PDE1C: variants seen among roughly 807,000 people sequenced by gnomAD.
PDE1C encodes the protein phosphodiesterase 1C.
A neutral mutation model predicts 93.1 loss-of-function variants in PDE1C; 62 were observed. The ratio of observed to expected loss-of-function variants is 0.67; its 90% CI spans 0.54 to 0.82. The LOEUF (loss-of-function observed/expected upper bound fraction) is 0.82, where lower values mean the gene tolerates loss of function less well. Ranked by LOEUF, PDE1C falls within the 40% of genes least tolerant of loss-of-function variation. The pLI is 0.00. For synonymous variants in PDE1C, 325 were observed against 310.1 expected (o/e 1.05, Z -0.50); for missense variants, 742 against 884.6 (o/e 0.84, Z 2.04).
At chr7:31,986,046 A>T (rs1783357741) in intron 2 of PDE1C, among the ~76,000 whole-genome samples, 1 of 152,160 alleles carries the variant, frequency 6.6e-6, no homozygotes, top group Admixed American at 6.5e-5. Context: ...CTTAAGAGTG[A>T]TTGAATTATT....
chr7:31,908,370 A>G (rs140345050), intron 2 of PDE1C, among the ~76,000 whole-genome samples: 1 of 152,276 alleles, frequency 6.6e-6, no homozygotes, highest in African/African-American at 2.4e-5. Context: ...AAAGTTCACT[A>G]TCTGTCTGGG....
At chr7:32,051,719 G>A in intron 1 of PDE1C, 139 bp from the exon 2 acceptor site, 1 of 705,194 alleles carries the variant, frequency 1.4e-6, no homozygotes. Context: ...GGGTTTCAAA[G>A]CTTAGTTAAA....
intron 2 of PDE1C, among the ~76,000 whole-genome samples, chr7:32,199,188 C>G (rs1804831106): frequency 6.6e-6 from 1 of 151,724 alleles, no homozygotes; most frequent in East Asian, 1.9e-4. Flanking sequence ...GGTAACCTGT[C>G]TTTTCTCTTC....
At chr7:31,745,759 T>C in the PDE1C span, among the ~76,000 whole-genome samples, 1 of 152,194 alleles carries the variant, frequency 6.6e-6, no homozygotes, top group East Asian at 1.9e-4. Context: ...TAATAAGTAA[T>C]AGATGTCACT....
the PDE1C span, among the ~76,000 whole-genome samples, chr7:31,669,810 A>G: frequency 6.6e-6 from 1 of 152,238 alleles, no homozygotes; most frequent in African/African-American, 2.4e-5. Flanking sequence ...CCCCATGGCT[A>G]AATTGCTGCC....
chr7:31,913,178 A>G (rs1204818697), intron 2 of PDE1C, among the ~76,000 whole-genome samples: 1 of 152,178 alleles, frequency 6.6e-6, no homozygotes, highest in Non-Finnish European at 1.5e-5. Flanking sequence ...CAAAGAAAGG[A>G]TGCTAGCCTT....
chr7:31,785,510 G>A (rs1783833805), intron 16 of PDE1C: 1 of 152,074 alleles, frequency 6.6e-6, no homozygotes, highest in African/African-American at 2.4e-5. Context: ...AAACAATCAG[G>A]AATTAATATG....
chr7:32,382,098 A>T (rs1366771932), intron 1 of PDE1C, among the ~76,000 whole-genome samples: 1 of 151,288 alleles, frequency 6.6e-6, no homozygotes, highest in Non-Finnish European at 1.5e-5. Flanking sequence ...AAGATCTCAC[A>T]TCTGGTAGAT....
chr7:32,251,061 G>A (rs1009806365), intron 1 of PDE1C, among the ~76,000 whole-genome samples: 9 of 152,184 alleles, frequency 5.9e-5, no homozygotes, highest in Admixed American at 2.0e-4. Context: ...ACATGCGAGC[G>A]TGCACAAGCA....
At chr7:31,976,414 A>T (rs1404226070) in intron 2 of PDE1C, among the ~76,000 whole-genome samples, 1 of 152,220 alleles carries the variant, frequency 6.6e-6, no homozygotes, top group Non-Finnish European at 1.5e-5. Context: ...AGTTAACAAA[A>T]GACTCAGGGT....
intron 1 of PDE1C, among the ~76,000 whole-genome samples, chr7:32,375,677 C>CCCTG (rs1301794144): frequency 6.6e-6 from 1 of 152,216 alleles, no homozygotes; most frequent in Non-Finnish European, 1.5e-5. Flanking sequence ...AAGCCTTGAA[C>CCCTG]CAGGGGTCAC....
chr7:31,835,299 C>T (rs930130519), intron 11 of PDE1C, among the ~76,000 whole-genome samples: 1 of 152,020 alleles, frequency 6.6e-6, no homozygotes, highest in Non-Finnish European at 1.5e-5. Flanking sequence ...GGAGAACATC[C>T]TCCTACTACT....
the PDE1C span, among the ~76,000 whole-genome samples, chr7:31,743,412 G>A: frequency 6.6e-6 from 1 of 152,074 alleles, no homozygotes; most frequent in African/African-American, 2.4e-5. Flanking sequence ...GCCTGAGGCT[G>A]CAGCCCTGCC....
At chr7:31,951,979 T>G (rs562284894) in intron 2 of PDE1C, among the ~76,000 whole-genome samples, 1 of 152,322 alleles carries the variant, frequency 6.6e-6, no homozygotes, top group South Asian at 2.1e-4. Flanking sequence ...AGCTACAAAT[T>G]TGTGAGTGCT....
chr7:31,700,465 AG>A, the PDE1C span, among the ~76,000 whole-genome samples: 1 of 152,242 alleles, frequency 6.6e-6, no homozygotes, highest in African/African-American at 2.4e-5. Flanking sequence ...ATTTAAGGAA[AG>A]AAGCCATCTC....
intron 2 of PDE1C, among the ~76,000 whole-genome samples, chr7:31,933,810 C>T (rs1293817301): frequency 1.3e-5 from 2 of 152,182 alleles, no homozygotes; most frequent in African/African-American, 4.8e-5. Flanking sequence ...ATGCAAGCTC[C>T]CACTTCTTCT....
chr7:32,137,669 T>C (rs1800287178), intron 3 of PDE1C, among the ~76,000 whole-genome samples: 1 of 152,242 alleles, frequency 6.6e-6, no homozygotes, highest in Admixed American at 6.5e-5. Flanking sequence ...ATATTTGTTA[T>C]ACAATTTATT....
intron 14 of PDE1C, among the ~76,000 whole-genome samples, chr7:31,818,827 A>T (rs149298893): frequency 1.3e-5 from 2 of 152,242 alleles, no homozygotes; most frequent in East Asian, 3.9e-4. Context: ...ATTCAAAATA[A>T]CCCCAAGTTG....
chr7:31,714,677 C>G, the PDE1C span, among the ~76,000 whole-genome samples: 627 of 152,326 alleles, frequency 4.1e-3, 3 homozygotes, highest in African/African-American at 0.015. Flanking sequence ...CAAAGAGGAG[C>G]AAGCCATGTC....
Sources: gnomAD v4.1 joint callset for allele counts (sites outside exome capture counted in the v4.1 genomes callset) on GRCh38, gnomAD v4.1.1 for gene constraint, MANE v1.5 for transcripts, NCBI Gene and HGNC (gene_info 2026-07-23, HGNC 2026-07-21) for gene names.